Variants in PDIA5 observed in about 807,000 individuals in gnomAD.
The protein encoded by PDIA5 is protein disulfide-isomerase A5.
Under a neutral mutation model 77.6 loss-of-function variants are expected in PDIA5, and 58 were observed. The ratio of observed to expected loss-of-function variants is 0.75; its 90% confidence interval spans 0.61 to 0.93. The LOEUF (loss-of-function observed/expected upper bound fraction) is 0.93. PDIA5 is among the 40% of genes least tolerant of loss of function. The pLI is 0.00. For synonymous variants in PDIA5, 250 were observed against 252.1 expected (o/e 0.99, Z 0.08); for missense variants, 630 against 647.7 (o/e 0.97, Z 0.30).
rs181173609 is a variant in PDIA5 at position 123,123,899 on chromosome 3, C to T, written c.610-167C>T. ...TTCTCCAGCGCCAGGTCATGATTCC[C>T]GGCTGGCTTCGCTGGCCTTGTTTCT... On this transcript the variant is annotated intron_variant, in intron 8 of 16. Coordinates refer to ENST00000316218, the MANE Select transcript of PDIA5 (RefSeq NM_006810.4). 9.2e-5 allele frequency among the ~76,000 whole-genome samples: 14 copies of T among 152,338 alleles called. No homozygotes were observed. In the East Asian group the frequency reaches 2.1e-3, roughly 23 times the overall value.
At chr3:123,090,093 C>T (rs944707008) in intron 2 of PDIA5, among the ~76,000 whole-genome samples, 7 of 152,204 alleles carry the variant, frequency 4.6e-5, no homozygotes, top group Non-Finnish European at 1.0e-4. Flanking sequence ...AGCTCGGCCT[C>T]AGCACTCACT....
chr3:123,118,521 C>G (rs1371767049), intron 8 of PDIA5, among the ~76,000 whole-genome samples: 1 of 152,132 alleles, frequency 6.6e-6, no homozygotes, highest in Non-Finnish European at 1.5e-5. Flanking sequence ...TCTCGTGGGC[C>G]ATTCTCAGCC....
intron 11 of PDIA5, among the ~76,000 whole-genome samples, chr3:123,131,983 T>G (rs1031967428): frequency 6.6e-6 from 1 of 152,110 alleles, no homozygotes. Context: ...TAGAGGCATA[T>G]TCTATCAGGA....
intron 11 of PDIA5, chr3:123,145,052 G>A (rs899476032): frequency 1.3e-5 from 2 of 154,772 alleles, no homozygotes; most frequent in Non-Finnish European, 2.9e-5. Context: ...CAGAGAAGAT[G>A]ATGATGGTGA....
intron 11 of PDIA5, chr3:123,145,180 G>T (rs1339623487): frequency 4.3e-6 from 1 of 230,334 alleles, no homozygotes; most frequent in African/African-American, 2.3e-5. Flanking sequence ...GCAGTCACCT[G>T]CCCTCTTGGT....
chr3:123,099,132 T>G (rs1934519441), intron 3 of PDIA5, among the ~76,000 whole-genome samples: 1 of 152,192 alleles, frequency 6.6e-6, no homozygotes, highest in Admixed American at 6.5e-5. Flanking sequence ...GGAGCAGTGC[T>G]GAGAGAACAT....
chr3:123,105,225 A>G (rs1226057869), intron 5 of PDIA5, among the ~76,000 whole-genome samples: 1 of 152,102 alleles, frequency 6.6e-6, no homozygotes, highest in African/African-American at 2.4e-5. Context: ...ATACAAATCA[A>G]AGTCAATGTT....
chr3:123,160,293 T>A (rs9851325), intron 15 of PDIA5, among the ~76,000 whole-genome samples: 9,363 of 152,188 alleles, frequency 0.062, 973 homozygotes, highest in African/African-American at 0.21. Context: ...GGAAACAAGT[T>A]CCCCATTTCT....
At chr3:123,095,904 G>A (rs1322483960) in intron 3 of PDIA5, among the ~76,000 whole-genome samples, 2 of 152,120 alleles carry the variant, frequency 1.3e-5, no homozygotes, top group African/African-American at 4.8e-5. Context: ...TGAATCTTCT[G>A]GGAAATGTGG....
chr3:123,110,976 GC>G lies in PDIA5; in HGVS notation c.515del (p.Pro172ArgfsTer3). On this transcript the variant is annotated frameshift_variant, in exon 7 of 17. Transcript: ENST00000316218. LOFTEE classifies it high-confidence loss of function. ...GACGGCTCCTGAAGAAGGAAGAGAA[GC>G]CGCTCCTGATCATGTTTTATGCCCC... ...FRRLLKKEEK[P>X]LLIMFYAPWC... 6.2e-7 allele frequency: 1 copy of G among 1,613,946 alleles called. No individual in the cohort carries two copies. Among genetic ancestry groups the G allele is most frequent in the Non-Finnish European group, 8.5e-7 (1 of 1,179,910 alleles).
At chr3:123,161,750 A>G in intron 16 of PDIA5, 130 bp from the exon 17 acceptor site, 1 of 728,592 alleles carries the variant, frequency 1.4e-6, no homozygotes, top group South Asian at 1.6e-5. Flanking sequence ...TCCACCTTGC[A>G]GAAGTCTGCC....
At chr3:123,125,552 C>T (rs1366208655) in intron 10 of PDIA5, among the ~76,000 whole-genome samples, 1 of 152,102 alleles carries the variant, frequency 6.6e-6, no homozygotes, top group Non-Finnish European at 1.5e-5. Flanking sequence ...GACATCATTA[C>T]CTTAGGAACA....
intron 11 of PDIA5, among the ~76,000 whole-genome samples, chr3:123,136,129 C>T (rs558952586): frequency 1.6e-4 from 25 of 152,056 alleles, no homozygotes; most frequent in Non-Finnish European, 3.1e-4. Flanking sequence ...GAAATGGAGT[C>T]TCCCTATGTT....
rs560516430 is a variant in PDIA5, at chr3:123,110,999, C to T, written c.536C>T (p.Ala179Val). ...EEKPLLIMFY[A>V]PWCSMCKRMM... The stretch of plus-strand genomic sequence containing the variant: ...AAGCCGCTCCTGATCATGTTTTATG[C>T]CCCCTGTGAGTGAACTTTCTCCCTT... Residue 179 changes from alanine to valine, a missense_variant, in exon 7 of 17, where the codon GCC (alanine) becomes GTC (valine). Physicochemically the swap from Ala to Val is moderately conservative, Grantham distance 64. Transcript: ENST00000316218. 33 of 1,612,978 alleles carry T rather than the reference C, an allele frequency of 2.0e-5. No individual in the cohort carries two copies. The East Asian group carries it at 6.7e-4, about 33-fold the overall frequency.
At chr3:123,123,689 A>G (rs1935170734) in intron 8 of PDIA5, among the ~76,000 whole-genome samples, 1 of 152,246 alleles carries the variant, frequency 6.6e-6, no homozygotes, top group Non-Finnish European at 1.5e-5. Context: ...AGTTGACATG[A>G]ACAGAGAAAT....
chr3:123,068,571 C>T (rs1933642169), intron 1 of PDIA5, among the ~76,000 whole-genome samples: 1 of 152,218 alleles, frequency 6.6e-6, no homozygotes. Context: ...AAACGCCCCC[C>T]ATCGGTCTTT....
At chr3:123,080,832 G>GGGAT (rs1933982219) in intron 1 of PDIA5, among the ~76,000 whole-genome samples, 2 of 151,460 alleles carry the variant, frequency 1.3e-5, no homozygotes, top group Non-Finnish European at 3.0e-5. Context: ...AGCCTGCACA[G>GGGAT]GGATATTCCA....
chr3:123,110,770 G>A (rs900730371), intron 6 of PDIA5, among the ~76,000 whole-genome samples, 174 bp from the exon 7 acceptor site: 13 of 152,044 alleles, frequency 8.6e-5, no homozygotes, highest in African/African-American at 3.1e-4. Context: ...GGCCTGCCGC[G>A]GCTCTGCCCC....
rs778953044 is a variant in PDIA5, at chr3:123,161,462, G to C, written c.1479+7G>C. Reference sequence around the variant, plus strand: ...GTATGACAGCGACCGCACAGTAAGTGGGGGAGAGGCGTCTGCCCAGAGCTC... The same window carrying C: ...GTATGACAGCGACCGCACAGTAAGTCGGGGAGAGGCGTCTGCCCAGAGCTC... On this transcript the variant is annotated splice_region_variant and intron_variant, in intron 16 of 16. Coordinates refer to ENST00000316218, the MANE Select transcript of PDIA5 (RefSeq NM_006810.4). The C allele has an allele frequency of 3.7e-6, 6 of 1,613,038 alleles. No homozygotes were observed. The highest frequency in any genetic ancestry group is 1.7e-4 in the Middle Eastern group (1 of 6,058).
Sources: gnomAD v4.1 joint callset for allele counts (sites outside exome capture counted in the v4.1 genomes callset) on GRCh38, gnomAD v4.1.1 for gene constraint, MANE v1.5 for transcripts, NCBI Gene and HGNC (gene_info 2026-07-23, HGNC 2026-07-21) for gene names.